TASP1: variants seen among roughly 807,000 people sequenced by gnomAD.
TASP1 encodes the protein threonine aspartase 1.
TASP1 carries 16 observed loss-of-function variants against 56.6 expected under a neutral mutation model. The observed-to-expected ratio is 0.28, with a 90% confidence interval of 0.19 to 0.43. The LOEUF (loss-of-function observed/expected upper bound fraction) is 0.43. Ranked by LOEUF, TASP1 falls within the 20% of genes least tolerant of loss-of-function variation. TASP1 has a pLI of 1.00. For synonymous variants in TASP1, 179 were observed against 184.2 expected, an observed-to-expected ratio of 0.97 and a Z score of 0.23; for missense variants, 393 against 511.6, an observed-to-expected ratio of 0.77 and a Z score of 2.24.
intron 4 of TASP1, among the ~76,000 whole-genome samples, chr20:13,591,898 T>A (rs2047545602): frequency 6.6e-6 from 1 of 152,034 alleles, no homozygotes; most frequent in Non-Finnish European, 1.5e-5. Flanking sequence ...TAGACTATGA[T>A]AATCCAAAAG....
the TASP1 span, among the ~76,000 whole-genome samples, chr20:13,149,743 A>G: frequency 6.6e-6 from 1 of 152,228 alleles, no homozygotes; most frequent in Non-Finnish European, 1.5e-5. Flanking sequence ...AAGTCTCTGA[A>G]GGATCTGGAA....
intron 4 of TASP1, among the ~76,000 whole-genome samples, chr20:13,615,508 T>TG (rs113423726): frequency 7.3e-5 from 11 of 150,572 alleles, no homozygotes; most frequent in African/African-American, 2.7e-4. Context: ...TCTGGTTTTT[T>TG]TTTTTTTTTT....
chr20:13,419,228 T>C (rs1192138774), intron 12 of TASP1, among the ~76,000 whole-genome samples: 7 of 152,070 alleles, frequency 4.6e-5, no homozygotes, highest in Admixed American at 1.3e-4. Flanking sequence ...CACTCTCAAA[T>C]AGTTCAGGGA....
the TASP1 span, among the ~76,000 whole-genome samples, chr20:13,294,989 T>TAAGACATGC: frequency 6.6e-6 from 1 of 152,164 alleles, no homozygotes; most frequent in African/African-American, 2.4e-5. Context: ...TCTGAGTTCA[T>TAAGACATGC]AAGACATGCC....
chr20:13,638,717 G>C (rs1011468241), intron 1 of TASP1, among the ~76,000 whole-genome samples, 177 bp downstream of exon 1: 2 of 152,176 alleles, frequency 1.3e-5, no homozygotes, highest in Non-Finnish European at 2.9e-5. Context: ...CCAAGACTAG[G>C]GAACTAGGGA....
chr20:13,480,037 C>A (rs1211705369), intron 11 of TASP1, among the ~76,000 whole-genome samples: 2 of 152,190 alleles, frequency 1.3e-5, no homozygotes, highest in African/African-American at 4.8e-5. Flanking sequence ...CAATTTATTT[C>A]CTTCCATTTA....
intron 5 of TASP1, among the ~76,000 whole-genome samples, chr20:13,583,072 A>G (rs1224200189): frequency 6.6e-6 from 1 of 152,198 alleles, no homozygotes; most frequent in Non-Finnish European, 1.5e-5. Flanking sequence ...CATAGCTGAG[A>G]GCTCCAGAAA....
the TASP1 span, among the ~76,000 whole-genome samples, chr20:13,250,367 G>A: frequency 9.7e-4 from 148 of 152,278 alleles, 1 homozygote; most frequent in African/African-American, 3.4e-3. Flanking sequence ...TTCAGCTTGC[G>A]GAGAATTTCA....
At chr20:13,385,619 C>T (rs1346903016), downstream of TASP1, among the ~76,000 whole-genome samples, 1 of 152,072 alleles carries the variant, frequency 6.6e-6, no homozygotes, top group African/African-American at 2.4e-5. Flanking sequence ...CAGAAGCAAC[C>T]CTGAGATAAG....
At chr20:13,469,410 G>A (rs1289945268) in intron 11 of TASP1, among the ~76,000 whole-genome samples, 1 of 152,144 alleles carries the variant, frequency 6.6e-6, no homozygotes, top group Non-Finnish European at 1.5e-5. Context: ...CATTTTGAGA[G>A]CCCAAAATCC....
the TASP1 span, chr20:13,298,910 C>A: frequency 6.2e-7 from 1 of 1,604,782 alleles, no homozygotes; most frequent in Non-Finnish European, 8.5e-7. Flanking sequence ...GTTGTACACG[C>A]GGTGAGAGGG....
At chr20:13,193,657 G>A in the TASP1 span, among the ~76,000 whole-genome samples, 8 of 152,174 alleles carry the variant, frequency 5.3e-5, no homozygotes, top group African/African-American at 1.9e-4. Flanking sequence ...CCAGAGACAG[G>A]CAGTTTCTCG....
At chr20:13,373,595 C>T in the TASP1 span, among the ~76,000 whole-genome samples, 1 of 151,946 alleles carries the variant, frequency 6.6e-6, no homozygotes, top group Non-Finnish European at 1.5e-5. Flanking sequence ...TTCTGACAGC[C>T]ATGATTTCTT....
the TASP1 span, among the ~76,000 whole-genome samples, chr20:13,182,031 C>T: frequency 6.6e-6 from 1 of 152,128 alleles, no homozygotes; most frequent in Admixed American, 6.6e-5. Flanking sequence ...TTTCCAAAAG[C>T]ATTAAAGTTC....
chr20:13,296,070 C>G, the TASP1 span, among the ~76,000 whole-genome samples: 3 of 152,318 alleles, frequency 2.0e-5, no homozygotes, highest in African/African-American at 7.2e-5. Flanking sequence ...CTTTGCCTCC[C>G]TTAATGCACC....
the TASP1 span, among the ~76,000 whole-genome samples, chr20:13,158,180 A>G: frequency 2.0e-5 from 3 of 152,236 alleles, no homozygotes; most frequent in South Asian, 2.1e-4. Context: ...ATACAATGCA[A>G]TGCTAATGTT....
At chr20:13,435,260 C>G in intron 11 of TASP1, 106 bp from the exon 12 acceptor site, 1 of 812,998 alleles carries the variant, frequency 1.2e-6, no homozygotes, top group Non-Finnish European at 2.0e-6. Context: ...AAGAAAATGC[C>G]CATTTTCTGA....
chr20:13,116,469 T>C, the TASP1 span, among the ~76,000 whole-genome samples: 1 of 152,172 alleles, frequency 6.6e-6, no homozygotes, highest in African/African-American at 2.4e-5. Flanking sequence ...ATTTTTTTAA[T>C]CCATTGAGTC....
intron 10 of TASP1, among the ~76,000 whole-genome samples, chr20:13,508,006 G>A (rs980779785): frequency 6.6e-6 from 1 of 152,030 alleles, no homozygotes; most frequent in Non-Finnish European, 1.5e-5. Flanking sequence ...AAATCGGGTT[G>A]AAAAAACTGA....
Sources: gnomAD v4.1 joint callset for allele counts (sites outside exome capture counted in the v4.1 genomes callset) on GRCh38, gnomAD v4.1.1 for gene constraint, MANE v1.5 for transcripts, NCBI Gene and HGNC (gene_info 2026-07-23, HGNC 2026-07-21) for gene names.